Variants in UPP1 observed in about 807,000 individuals in gnomAD.
The protein encoded by UPP1 is UPase 1.
Under a neutral mutation model 29.6 loss-of-function variants are expected in UPP1, and 25 were observed. The observed-to-expected ratio is 0.85, with a 90% CI of 0.62 to 1.18. UPP1 has a LOEUF of 1.18. Among genes scored for constraint, UPP1 ranks in the 50% most tolerant of loss-of-function variants. UPP1 has a pLI of 0.00. For synonymous variants in UPP1, 165 were observed against 159.8 expected (o/e 1.03, Z -0.25); for missense variants, 368 against 410.4 (o/e 0.90, Z 0.89).
chr7:48,091,288 G>GT (rs34459058), intron 2 of UPP1, among the ~76,000 whole-genome samples: 70,021 of 144,046 alleles, frequency 0.49, 17,569 homozygotes, highest in South Asian at 0.64. Context: ...AACATCTTCA[G>GT]TTTTTTTTTT....
chr7:48,093,603 C>A (rs1049320623), intron 2 of UPP1, among the ~76,000 whole-genome samples: 2 of 152,206 alleles, frequency 1.3e-5, no homozygotes, highest in Admixed American at 1.3e-4. Context: ...AGAGCTCTGG[C>A]AAAACCCTGC....
chr7:48,094,232 G>A (rs912550594), intron 2 of UPP1, among the ~76,000 whole-genome samples: 1 of 151,770 alleles, frequency 6.6e-6, no homozygotes, highest in African/African-American at 2.4e-5. Context: ...GGGAAATTGG[G>A]AATAAGGGAC....
chr7:48,094,091 C>T (rs1440329839), intron 2 of UPP1, among the ~76,000 whole-genome samples: 3 of 151,986 alleles, frequency 2.0e-5, no homozygotes, highest in East Asian at 3.9e-4. Flanking sequence ...ACCTGGGAGG[C>T]GGAGGTTGCA....
chr7:48,106,734 A>C (rs1792765280), intron 6 of UPP1, 139 bp from the exon 7 acceptor site: 1 of 749,806 alleles, frequency 1.3e-6, no homozygotes, highest in Non-Finnish European at 2.2e-6. Context: ...TGAGAACAGT[A>C]CTGGATGCTT....
chr7:48,105,752 G>T (rs937890280), intron 6 of UPP1: 2 of 152,174 alleles, frequency 1.3e-5, no homozygotes, highest in Non-Finnish European at 2.9e-5. Context: ...GCTCTCCGGG[G>T]TCCCTCTTAT....
intron 2 of UPP1, among the ~76,000 whole-genome samples, chr7:48,091,143 C>G (rs1350303805): frequency 6.6e-6 from 1 of 152,186 alleles, no homozygotes; most frequent in Non-Finnish European, 1.5e-5. Flanking sequence ...TCTCCTCTCT[C>G]TCTCACACAC....
At position 48,108,456 on chromosome 7, in the gene UPP1, A is replaced by G; in HGVS notation, c.*99A>G. On this transcript the variant is annotated 3_prime_UTR_variant, in exon 9 of 9. Transcript: ENST00000395564. ...GTGGACTTTGAGCACACTTTACACA[A>G]GAATCTAGAAAATCAGATCGCGATT... 1 of 1,378,236 alleles carries G rather than the reference A, an allele frequency of 7.3e-7. No homozygotes were observed. Among genetic ancestry groups the G allele is most frequent in the South Asian group, 1.6e-5 (1 of 63,230 alleles). The allele number at this position is 1,378,236 out of a possible 1,614,324, so 85.4% of individuals were successfully genotyped here. A position where few individuals can be genotyped will look rare whatever the true frequency, so the allele number is the denominator to read the frequency against.
chr7:48,103,199 T>A, intron 5 of UPP1, 98 bp from the exon 6 acceptor site: 1 of 842,812 alleles, frequency 1.2e-6, no homozygotes, highest in Non-Finnish European at 2.0e-6. Flanking sequence ...ACTATGTCAA[T>A]GGGCATGTTA....
At chr7:48,094,909 A>G in intron 3 of UPP1, 82 bp downstream of exon 3, 1 of 1,481,454 alleles carries the variant, frequency 6.8e-7, no homozygotes. Context: ...CATTTTTCTA[A>G]GGACTTGACA....
In UPP1 at chr7:48,101,988, T is replaced by C. The variant is rs993267621; in HGVS notation, c.321+6T>C. 1 of 1,612,510 alleles carries C rather than the reference T, an allele frequency of 6.2e-7. No individual in the cohort carries two copies. Among genetic ancestry groups the C allele is most frequent in the Non-Finnish European group, 8.5e-7 (1 of 1,179,080 alleles). On this transcript the variant is annotated splice_donor_region_variant and intron_variant, in intron 5 of 8. Coordinates refer to ENST00000395564, the MANE Select transcript of UPP1 (RefSeq NM_003364.4). Reference sequence around the variant, plus strand: ...GACCGGTGCTGTCTGTCAGTGTGAGTACCTGCCTTCCCTTGTGCTCAGTCT... The same window carrying C: ...GACCGGTGCTGTCTGTCAGTGTGAGCACCTGCCTTCCCTTGTGCTCAGTCT...
chr7:48,095,607 C>A (rs1265654904), intron 3 of UPP1, among the ~76,000 whole-genome samples: 1 of 152,064 alleles, frequency 6.6e-6, no homozygotes, highest in Non-Finnish European at 1.5e-5. Flanking sequence ...TCCTGGTGTC[C>A]ATTTTGGAGT....
At chr7:48,090,152 T>G (rs903872826) in intron 1 of UPP1, 36 bp from the exon 2 acceptor site, 1 of 152,244 alleles carries the variant, frequency 6.6e-6, no homozygotes, top group Non-Finnish European at 1.5e-5. Context: ...CCCTTCACGA[T>G]TCTTTTATAT....
chr7:48,090,777 AT>A (rs1791785070), intron 2 of UPP1, among the ~76,000 whole-genome samples: 1 of 151,954 alleles, frequency 6.6e-6, no homozygotes, highest in Admixed American at 6.6e-5. Context: ...CTCTTACATT[AT>A]TTCTTTTTTC....
chr7:48,092,609 G>C (rs1791898906), intron 2 of UPP1, among the ~76,000 whole-genome samples: 1 of 152,132 alleles, frequency 6.6e-6, no homozygotes. Context: ...GCTGAGGTGG[G>C]AGGATCACGT....
At chr7:48,089,592 G>C (rs1433130293) in intron 1 of UPP1, 174 bp downstream of exon 1, 2 of 153,960 alleles carry the variant, frequency 1.3e-5, no homozygotes, top group Non-Finnish European at 2.9e-5. Context: ...GCGGGGAGGC[G>C]GGCGCGCGGC....
intron 6 of UPP1, chr7:48,106,273 G>A (rs1583882100): frequency 1.3e-5 from 2 of 154,694 alleles, no homozygotes; most frequent in African/African-American, 4.8e-5. Flanking sequence ...AGAAATATGG[G>A]ACAAAGTACT....
chr7:48,091,043 C>A (rs1208790209), intron 2 of UPP1, among the ~76,000 whole-genome samples: 1 of 151,980 alleles, frequency 6.6e-6, no homozygotes, highest in African/African-American at 2.4e-5. Context: ...AACAAAAAAA[C>A]CCAAAAACCA....
At chr7:48,101,633 G>T (rs1005628253) in intron 4 of UPP1, among the ~76,000 whole-genome samples, 191 bp from the exon 5 acceptor site, 2 of 152,120 alleles carry the variant, frequency 1.3e-5, no homozygotes, top group African/African-American at 2.4e-5. Context: ...CGCCCACCCT[G>T]ACCACTCACC....
chr7:48,101,406 C>T (rs189265588), intron 4 of UPP1, among the ~76,000 whole-genome samples: 17 of 152,242 alleles, frequency 1.1e-4, no homozygotes, highest in African/African-American at 2.9e-4. Flanking sequence ...AGTAACCAGG[C>T]GAGAGAGCGG....
Sources: gnomAD v4.1 joint callset for allele counts (sites outside exome capture counted in the v4.1 genomes callset) on GRCh38, gnomAD v4.1.1 for gene constraint, MANE v1.5 for transcripts, NCBI Gene and HGNC (gene_info 2026-07-23, HGNC 2026-07-21) for gene names.